Variants in PRKN observed in about 807,000 individuals in gnomAD.
PRKN encodes E3 ubiquitin-protein ligase parkin.
In PRKN, 56 loss-of-function variants were observed where a neutral mutation model predicts 59.5. The ratio of observed to expected loss-of-function variants is 0.94; its 90% CI spans 0.76 to 1.18. PRKN has a LOEUF of 1.18. PRKN is among the 50% of genes most tolerant of loss of function. The pLI is 0.00. For synonymous variants in PRKN, 250 were observed against 222.1 expected (o/e 1.13, Z -1.12); for missense variants, 657 against 596.4 (o/e 1.10, Z -1.06).
intron 1 of PRKN, among the ~76,000 whole-genome samples, chr6:162,719,901 A>AC (rs1315722767): frequency 0.034 from 236 of 7,026 alleles, no homozygotes; most frequent in African/African-American, 0.067. Context: ...TGTCAAAAAA[A>AC]AAAAAAAAAA....
chr6:162,408,774 A>G (rs1455046846), intron 2 of PRKN, among the ~76,000 whole-genome samples: 1 of 152,188 alleles, frequency 6.6e-6, no homozygotes. Flanking sequence ...CCTGAAGCTC[A>G]TGTCTCATCT....
intron 1 of PRKN, among the ~76,000 whole-genome samples, chr6:162,593,746 A>G (rs1024824437): frequency 1.3e-5 from 2 of 152,246 alleles, no homozygotes; most frequent in African/African-American, 4.8e-5. Context: ...GGGCAGGGAC[A>G]GGAACAGCTT....
chr6:162,153,781 A>G (rs2128314380), intron 4 of PRKN, among the ~76,000 whole-genome samples: 1 of 152,140 alleles, frequency 6.6e-6, no homozygotes, highest in Non-Finnish European at 1.5e-5. Context: ...TCTCTATGAC[A>G]TTCAGCAGTG....
At chr6:162,696,327 C>T (rs993256636) in intron 1 of PRKN, among the ~76,000 whole-genome samples, 2 of 152,144 alleles carry the variant, frequency 1.3e-5, no homozygotes, top group East Asian at 3.9e-4. Flanking sequence ...GAAAGTGCCA[C>T]GCTCAAGAAA....
intron 5 of PRKN, among the ~76,000 whole-genome samples, chr6:162,039,515 C>T (rs1338480888): frequency 6.6e-6 from 1 of 152,154 alleles, no homozygotes; most frequent in Non-Finnish European, 1.5e-5. Context: ...CCTTCTCTCT[C>T]TCTTGTTTCC....
chr6:162,390,375 G>GTGTATA (rs1491557913), intron 2 of PRKN, among the ~76,000 whole-genome samples: 1 of 98,842 alleles, frequency 1.0e-5, no homozygotes. Context: ...TACTGCTAAG[G>GTGTATA]TATATATATA....
intron 1 of PRKN, among the ~76,000 whole-genome samples, chr6:162,606,962 C>T (rs1487055032): frequency 6.6e-6 from 1 of 152,086 alleles, no homozygotes; most frequent in African/African-American, 2.4e-5. Context: ...ATTCACCTAC[C>T]CTGGCCTACC....
At chr6:162,722,001 C>G (rs1032216290) in intron 1 of PRKN, among the ~76,000 whole-genome samples, 10 of 152,170 alleles carry the variant, frequency 6.6e-5, no homozygotes, top group Admixed American at 6.5e-5. Context: ...TATGTACATA[C>G]ATCTTTCTAA....
intron 4 of PRKN, among the ~76,000 whole-genome samples, chr6:162,129,875 G>A (rs967093891): frequency 6.6e-6 from 1 of 151,986 alleles, no homozygotes; most frequent in Non-Finnish European, 1.5e-5. Context: ...CCTGTAGAGT[G>A]TTTACACTGA....
At chr6:161,850,756 T>C (rs1172554727) in intron 6 of PRKN, among the ~76,000 whole-genome samples, 5 of 152,170 alleles carry the variant, frequency 3.3e-5, no homozygotes, top group Non-Finnish European at 7.3e-5. Flanking sequence ...GTCTAATTCC[T>C]TCATTGTGAG....
At chr6:162,431,269 C>A (rs1480157069) in intron 2 of PRKN, among the ~76,000 whole-genome samples, 1 of 139,768 alleles carries the variant, frequency 7.2e-6, no homozygotes, top group East Asian at 2.1e-4. Flanking sequence ...ATTGAGAATG[C>A]GGCAGAGAGA....
chr6:162,294,952 G>A (rs1329198892), intron 2 of PRKN, among the ~76,000 whole-genome samples: 1 of 152,110 alleles, frequency 6.6e-6, no homozygotes, highest in South Asian at 2.1e-4. Flanking sequence ...GTGCTTCCTC[G>A]ATCACTAACC....
Position 161,405,583 on chromosome 6 carries a change from AAAAAT to A in PRKN, c.1084-18711_1084-18707del, listed in dbSNP as rs1044022015. ...GGGTGACAAAGCAAGACCCTGTCTA[AAAAAT>A]AAAATAAAATAAAAATTAAAAATAA... On this transcript the variant is annotated intron_variant, in intron 9 of 11. Transcript: ENST00000366898. This position sits in a 1 kb window ranked among gnomAD's most constrained non-coding sequence, Gnocchi z 5.1. 1.3e-4 allele frequency among the ~76,000 whole-genome samples: 19 copies of A among 151,136 alleles called. 1 individual carries two copies. The highest frequency in any genetic ancestry group is 3.9e-4 in the African/African-American group (16 of 41,080).
At chr6:161,739,344 G>A (rs1788096580) in intron 7 of PRKN, among the ~76,000 whole-genome samples, 1 of 152,124 alleles carries the variant, frequency 6.6e-6, no homozygotes, top group African/African-American at 2.4e-5. Context: ...GGAGATGGAG[G>A]TTGCGGTGAG....
chr6:162,524,706 GACTA>G (rs1323844392), intron 1 of PRKN, among the ~76,000 whole-genome samples: 1 of 152,160 alleles, frequency 6.6e-6, no homozygotes, highest in Non-Finnish European at 1.5e-5. Context: ...AGCTTAGGAA[GACTA>G]ACTAGTTTGA....
At chr6:162,450,373 ATTGT>A (rs1383522695) in intron 1 of PRKN, among the ~76,000 whole-genome samples, 102 of 131,448 alleles carry the variant, frequency 7.8e-4, no homozygotes, top group Admixed American at 2.3e-3. Context: ...CGCCCCTGTG[ATTGT>A]AATCCCCCTG....
chr6:162,019,469 T>C (rs558826822), intron 5 of PRKN, among the ~76,000 whole-genome samples: 1 of 152,104 alleles, frequency 6.6e-6, no homozygotes, highest in South Asian at 2.1e-4. Context: ...AAAACAAGTC[T>C]CCCAGCAGCC....
chr6:162,655,318 C>T (rs1044515219), intron 1 of PRKN, among the ~76,000 whole-genome samples: 4 of 152,036 alleles, frequency 2.6e-5, no homozygotes, highest in Admixed American at 6.6e-5. Context: ...TTTTTTGATT[C>T]GTAATTGTAT....
intron 1 of PRKN, among the ~76,000 whole-genome samples, chr6:162,630,081 G>A (rs2128222407): frequency 6.6e-6 from 1 of 152,184 alleles, no homozygotes; most frequent in Non-Finnish European, 1.5e-5. Flanking sequence ...AGGTGCTAAA[G>A]GTGTTTGCTG....
Sources: allele counts gnomAD v4.1 joint callset (sites outside exome capture counted in the v4.1 genomes callset), GRCh38; gene constraint gnomAD v4.1.1; non-coding constraint Gnocchi (gnomAD v3.1); transcripts MANE v1.5; gene names NCBI Gene and HGNC (gene_info 2026-07-23, HGNC 2026-07-21).